Variants in ZNF385D observed in about 807,000 individuals in gnomAD.
ZNF385D encodes the protein zinc finger protein 385D.
ZNF385D carries 15 observed loss-of-function variants against 35.8 expected under a neutral mutation model. That is an observed-to-expected ratio of 0.42 (90% CI 0.28 to 0.64). The LOEUF is 0.64. Ranked by LOEUF, ZNF385D falls within the 30% of genes least tolerant of loss-of-function variation. The probability of loss-of-function intolerance (pLI) is 0.23; values close to 1 mark genes in which losing one functional copy is unlikely to be tolerated. For synonymous variants in ZNF385D, 212 were observed against 186.8 expected, an observed-to-expected ratio of 1.13 and a Z score of -1.10; for missense variants, 474 against 494.6, an observed-to-expected ratio of 0.96 and a Z score of 0.39.
chr3:21,485,769 A>G (rs1704983328), intron 4 of ZNF385D, among the ~76,000 whole-genome samples: 1 of 152,130 alleles, frequency 6.6e-6, no homozygotes, highest in African/African-American at 2.4e-5. Flanking sequence ...TAATTGCATT[A>G]TTGATCATCC....
At chr3:21,755,373 T>C (rs6805992), upstream of ZNF385D, among the ~76,000 whole-genome samples, 123,090 of 152,094 alleles carry the variant, frequency 0.81, 50,287 homozygotes, top group East Asian at 0.98. Context: ...TCGTTAAGGT[T>C]TTCGACAACC....
intron 3 of ZNF385D, among the ~76,000 whole-genome samples, chr3:22,125,433 T>C (rs909077775): frequency 3.3e-5 from 5 of 152,278 alleles, no homozygotes; most frequent in African/African-American, 1.2e-4. Flanking sequence ...TAGGATTTTT[T>C]TTCTATCTTT....
In ZNF385D at chr3:22,278,487, G is replaced by T. The variant is rs571975648; in HGVS notation, c.106+93963C>A. ...TCTCTTTTCTGTCCATGAATTATCTGGGGTGGATCCAATGACTTTCCGATA... is the reference window on the plus strand; with the variant it reads ...TCTCTTTTCTGTCCATGAATTATCTTGGGTGGATCCAATGACTTTCCGATA... On this transcript the variant is annotated intron_variant, in intron 2 of 5. Transcript: ENST00000494108. Among the ~76,000 whole-genome samples the T allele has an allele frequency of 2.6e-5, 4 of 152,164 alleles. No individual in the cohort carries two copies. The South Asian group carries it at 8.3e-4, about 32-fold the overall frequency.
intron 3 of ZNF385D, among the ~76,000 whole-genome samples, chr3:22,136,720 T>A (rs1361898546): frequency 6.6e-6 from 1 of 152,084 alleles, no homozygotes; most frequent in Non-Finnish European, 1.5e-5. Context: ...ATAAGCAAAT[T>A]GTGGTACATT....
intron 3 of ZNF385D, among the ~76,000 whole-genome samples, chr3:21,757,120 C>CTTTTTTTTTTTGTTT (rs2070373515): frequency 9.4e-6 from 1 of 106,408 alleles, no homozygotes; most frequent in Non-Finnish European, 1.8e-5. Flanking sequence ...ATAAATTTCT[C>CTTTTTTTTTTTGTTT]TTTTTTTTTT....
At chr3:21,611,562 T>C (rs906253715) in intron 2 of ZNF385D, among the ~76,000 whole-genome samples, 1 of 152,172 alleles carries the variant, frequency 6.6e-6, no homozygotes, top group Non-Finnish European at 1.5e-5. Flanking sequence ...ATCATTTCTG[T>C]TTTTTGTGAT....
rs77084949 is a variant in ZNF385D, at chr3:22,264,336, T to C, written c.107-95301A>G. Among the ~76,000 whole-genome samples, 724 of 152,148 alleles carry C rather than the reference T, an allele frequency of 4.8e-3. 3 individuals carry two copies. The highest frequency in any genetic ancestry group is 0.017 in the African/African-American group (688 of 41,558). On this transcript the variant is annotated intron_variant, in intron 2 of 5. Coordinates refer to the ZNF385D transcript ENST00000494108. ...TTCACAGGGTCCTGGTCAAGACAGA[T>C]GGGTCTTAGGGCAGAACGCCAATCC...
At chr3:21,993,624 A>G (rs982614840) in intron 3 of ZNF385D, among the ~76,000 whole-genome samples, 4 of 152,232 alleles carry the variant, frequency 2.6e-5, no homozygotes, top group African/African-American at 9.6e-5. Flanking sequence ...AAATGAATAA[A>G]AACATCTAGT....
chr3:21,457,358 TG>T (rs1702889278), intron 4 of ZNF385D, among the ~76,000 whole-genome samples: 1 of 151,848 alleles, frequency 6.6e-6, no homozygotes, highest in Non-Finnish European at 1.5e-5. Flanking sequence ...TTGTTGTTGT[TG>T]TTGTTGTTGT....
chr3:21,449,366 T>C (rs1702332597), intron 4 of ZNF385D, among the ~76,000 whole-genome samples: 1 of 152,142 alleles, frequency 6.6e-6, no homozygotes, highest in South Asian at 2.1e-4. Context: ...GTTGGGATCT[T>C]GTTACGTAAG....
chr3:22,193,286 G>C (rs929674457), intron 2 of ZNF385D, among the ~76,000 whole-genome samples: 1 of 151,808 alleles, frequency 6.6e-6, no homozygotes, highest in African/African-American at 2.4e-5. Context: ...TCTTCCTAAT[G>C]GATTATAAAA....
chr3:22,363,095 G>T (rs1214054587), intron 2 of ZNF385D, among the ~76,000 whole-genome samples: 4 of 152,108 alleles, frequency 2.6e-5, no homozygotes, highest in Admixed American at 2.6e-4. Flanking sequence ...GAGAACCCAA[G>T]AAATTGATAT....
chr3:21,895,511 T>C (rs1325018098), intron 3 of ZNF385D, among the ~76,000 whole-genome samples: 2 of 149,164 alleles, frequency 1.3e-5, no homozygotes, highest in Admixed American at 1.3e-4. Flanking sequence ...TTTTTTTTTT[T>C]TGTATTTTAA....
At chr3:22,282,998 C>T (rs943294114) in intron 2 of ZNF385D, among the ~76,000 whole-genome samples, 1 of 151,882 alleles carries the variant, frequency 6.6e-6, no homozygotes, top group Admixed American at 6.6e-5. Flanking sequence ...CAAAGATATT[C>T]CATGCAAATG....
intron 3 of ZNF385D, among the ~76,000 whole-genome samples, chr3:21,928,212 A>C (rs1054141334): frequency 6.6e-6 from 1 of 151,296 alleles, no homozygotes; most frequent in Non-Finnish European, 1.5e-5. Context: ...CATAGGAAGG[A>C]AAGAAGGATG....
chr3:21,501,225 G>A (rs920006407), intron 4 of ZNF385D, among the ~76,000 whole-genome samples: 7 of 152,026 alleles, frequency 4.6e-5, no homozygotes, highest in Admixed American at 2.0e-4. Flanking sequence ...ATCGCTGTAC[G>A]GGACAGCTTC....
chr3:22,043,051 T>C (rs375948923), intron 3 of ZNF385D, among the ~76,000 whole-genome samples: 25 of 152,134 alleles, frequency 1.6e-4, no homozygotes, highest in Admixed American at 8.5e-4. Context: ...AAGTCCATTG[T>C]GGCTGACTGT....
At chr3:21,983,866 G>A (rs1694653021) in intron 3 of ZNF385D, among the ~76,000 whole-genome samples, 1 of 120,224 alleles carries the variant, frequency 8.3e-6, no homozygotes, top group Non-Finnish European at 1.7e-5. Flanking sequence ...TCTAACTGGT[G>A]TGAGATGATA....
At chr3:21,814,861 C>A (rs756563291) in intron 3 of ZNF385D, among the ~76,000 whole-genome samples, 3 of 152,158 alleles carry the variant, frequency 2.0e-5, no homozygotes, top group Non-Finnish European at 4.4e-5. Flanking sequence ...GCTCTCCACC[C>A]CAAATCAACA....
Sources: allele counts gnomAD v4.1 joint callset (sites outside exome capture counted in the v4.1 genomes callset), GRCh38; gene constraint gnomAD v4.1.1; transcripts MANE v1.5; gene names NCBI Gene and HGNC (gene_info 2026-07-23, HGNC 2026-07-21).